Variants in MYZAP observed in about 807,000 individuals in gnomAD.
MYZAP encodes the protein GRINL1A complex locus upstream.
A neutral mutation model predicts 69.4 loss-of-function variants in MYZAP; 66 were observed. The ratio of observed to expected loss-of-function variants is 0.95; its 90% confidence interval spans 0.78 to 1.17. MYZAP has a LOEUF of 1.17. Ranked by LOEUF, MYZAP falls within the 50% of genes most tolerant of loss-of-function variation. MYZAP has a pLI of 0.00. For missense variants in MYZAP, 611 were observed against 556.2 expected (o/e 1.10, Z -0.99); for synonymous variants, 256 against 205.9 (o/e 1.24, Z -2.09).
Position 57,625,852 on chromosome 15 carries a change from C to T in MYZAP, c.485C>T (p.Ala162Val), listed in dbSNP as rs1222206873. 5 of 1,614,154 alleles carry T rather than the reference C, an allele frequency of 3.1e-6. No homozygotes were observed. The South Asian group carries it at 5.5e-5, about 18-fold the overall frequency. The change falls in exon 5 of 13, where the codon GCC (alanine) becomes GTC (valine). Residue 162 changes from alanine to valine, a missense_variant. Ala to Val is a moderately conservative substitution (Grantham distance 64). Transcript: ENST00000267853. The part of the protein sequence containing the change: ...TQSSALDRFN[A>V]MNSALASDSI... ...TCGTCTGCCCTGGATCGTTTTAATG[C>T]CATGAACTCAGCCTTGGCATCAGAT...
At chr15:57,640,609 T>G (rs1255949047) in intron 10 of MYZAP, among the ~76,000 whole-genome samples, 1 of 152,234 alleles carries the variant, frequency 6.6e-6, no homozygotes, top group African/African-American at 2.4e-5. Context: ...ATATATCTAT[T>G]TTATTAATCT....
At chr15:57,631,637 T>G (rs2036513425) in intron 6 of MYZAP, among the ~76,000 whole-genome samples, 1 of 152,110 alleles carries the variant, frequency 6.6e-6, no homozygotes, top group Non-Finnish European at 1.5e-5. Context: ...GACTTTCCAC[T>G]TTGGAACTTC....
chr15:57,638,296 T>G (rs1442721321), intron 9 of MYZAP, among the ~76,000 whole-genome samples: 1 of 152,102 alleles, frequency 6.6e-6, no homozygotes, highest in Non-Finnish European at 1.5e-5. Context: ...GAAAACAAGG[T>G]TGAGATGATT....
intron 1 of MYZAP, among the ~76,000 whole-genome samples, chr15:57,593,214 A>ACACACACACACACACACCC (rs1172761785): frequency 3.5e-5 from 5 of 141,346 alleles, no homozygotes; most frequent in African/African-American, 1.4e-4. Flanking sequence ...ACACACACAC[A>ACACACACACACACACACCC]CCCCAGAATC....
At chr15:57,650,112 T>C (rs2037653374) in intron 10 of MYZAP, among the ~76,000 whole-genome samples, 1 of 152,218 alleles carries the variant, frequency 6.6e-6, no homozygotes, top group Admixed American at 6.5e-5. Flanking sequence ...ACTCCTTTTA[T>C]TTTTGGCTCA....
chr15:57,646,912 T>C (rs946118257), intron 10 of MYZAP: 133 of 985,332 alleles, frequency 1.3e-4, no homozygotes, highest in Non-Finnish European at 1.6e-4. Flanking sequence ...TTTATTTTTA[T>C]AGAGGTCTTT....
In MYZAP at chr15:57,592,100, C is replaced by A; in HGVS notation, c.66C>A (p.Pro22=). 1 of 1,367,056 alleles carries A rather than the reference C, an allele frequency of 7.3e-7. No individual in the cohort carries two copies. The highest frequency in any genetic ancestry group is 9.4e-7 in the Non-Finnish European group (1 of 1,064,992). The allele number at this position is 1,367,056 out of a possible 1,614,324, so 84.7% of individuals were successfully genotyped here. A position where few individuals can be genotyped will look rare whatever the true frequency, so the allele number is the denominator to read the frequency against. Residue 22 remains proline (P), a synonymous_variant, in exon 1 of 13, where the codon CCC becomes CCA. Transcript: ENST00000267853. ...GCGCCGCCAGGACGCCCGGGGCGCCCAGCAGGAGGGTGAGTAGCGGGGGCG... is the reference window on the plus strand; with the variant it reads ...GCGCCGCCAGGACGCCCGGGGCGCCAAGCAGGAGGGTGAGTAGCGGGGGCG... ...SGGAARTPGA[P]SRRANVCRLR...
intron 11 of MYZAP, among the ~76,000 whole-genome samples, chr15:57,662,818 G>A (rs371963839): frequency 2.6e-5 from 4 of 152,304 alleles, no homozygotes; most frequent in East Asian, 3.9e-4. Flanking sequence ...AGTGGGTGGT[G>A]AGCTGAGCCT....
intron 11 of MYZAP, among the ~76,000 whole-genome samples, chr15:57,672,688 G>T (rs1334628424): frequency 1.3e-5 from 2 of 152,128 alleles, no homozygotes; most frequent in Non-Finnish European, 2.9e-5. Context: ...TTCTTGTAGT[G>T]GCATACATAG....
chr15:57,637,662 A>G (rs1595895525), intron 8 of MYZAP, 33 bp from the exon 9 acceptor site: 1 of 1,604,114 alleles, frequency 6.2e-7, no homozygotes, highest in Admixed American at 1.7e-5. Context: ...CTTGGGATCC[A>G]TTGATTAAAA....
chr15:57,603,019 T>A (rs937971815), intron 1 of MYZAP, among the ~76,000 whole-genome samples: 68 of 152,156 alleles, frequency 4.5e-4, no homozygotes, highest in African/African-American at 1.6e-3. Context: ...TCACACAAAT[T>A]GTAGCTTCTC....
intron 10 of MYZAP, among the ~76,000 whole-genome samples, chr15:57,656,923 T>C (rs2038038691): frequency 6.6e-6 from 1 of 152,208 alleles, no homozygotes; most frequent in South Asian, 2.1e-4. Flanking sequence ...ATCCTACTCC[T>C]GTCCAGCTCC....
At chr15:57,675,848 T>A (rs777362019) in intron 12 of MYZAP, among the ~76,000 whole-genome samples, 1 of 152,212 alleles carries the variant, frequency 6.6e-6, no homozygotes, top group Non-Finnish European at 1.5e-5. Context: ...AAGATGCTAA[T>A]GACATGTGAC....
At chr15:57,666,852 A>C (rs1186765461) in intron 11 of MYZAP, among the ~76,000 whole-genome samples, 1 of 152,216 alleles carries the variant, frequency 6.6e-6, no homozygotes, top group Non-Finnish European at 1.5e-5. Flanking sequence ...TCCTGATAAC[A>C]AAAATATGCC....
intron 12 of MYZAP, among the ~76,000 whole-genome samples, chr15:57,677,364 C>G (rs2039194097): frequency 6.6e-6 from 1 of 152,174 alleles, no homozygotes; most frequent in African/African-American, 2.4e-5. Flanking sequence ...AGTTAATCCC[C>G]ATGTTTTATG....
chr15:57,668,836 G>T (rs147069783), intron 11 of MYZAP, among the ~76,000 whole-genome samples: 1,711 of 150,094 alleles, frequency 0.011, 21 homozygotes, highest in African/African-American at 0.028. Context: ...CCCATCCTGT[G>T]ACTTACTTTT....
Position 57,613,554 on chromosome 15 carries a change from A to G in MYZAP, c.163-4479A>G, listed in dbSNP as rs570713024. Among the ~76,000 whole-genome samples, 3 of 152,050 alleles carry G rather than the reference A, an allele frequency of 2.0e-5. No individual in the cohort carries two copies. In the South Asian group the frequency reaches 6.2e-4, roughly 32 times the overall value. ...TCAAGCTAATTTTTGCATTTTTTGCAGAGATGGATTTTTACCATGTTGCCC... is the reference window on the plus strand; with the variant it reads ...TCAAGCTAATTTTTGCATTTTTTGCGGAGATGGATTTTTACCATGTTGCCC... On this transcript the variant is annotated intron_variant, in intron 2 of 12. Coordinates refer to ENST00000267853, the MANE Select transcript of MYZAP (RefSeq NM_001018100.5).
In MYZAP at chr15:57,661,534, G is replaced by A; in HGVS notation, c.1203+1G>A. 4.4e-6 allele frequency: 7 copies of A among 1,607,404 alleles called. No homozygotes were observed. The highest frequency in any genetic ancestry group is 1.1e-5 in the South Asian group (1 of 89,416). On this transcript the variant is annotated splice_donor_variant, in intron 11 of 12. Coordinates refer to ENST00000267853, the MANE Select transcript of MYZAP (RefSeq NM_001018100.5). LOFTEE classifies it high-confidence loss of function. ...AAAGATATCTTTCTTAGAAGGAGAG[G>A]TAAGGATCTCTGTTTCTTTAAGTTG... is the stretch of plus-strand genomic sequence containing the variant.
At chr15:57,606,821 C>T (rs1240268175) in intron 2 of MYZAP, among the ~76,000 whole-genome samples, 1 of 152,102 alleles carries the variant, frequency 6.6e-6, no homozygotes, top group Non-Finnish European at 1.5e-5. Flanking sequence ...TGTTAATTTT[C>T]TTGTGATGAT....
Sources: allele counts gnomAD v4.1 joint callset (sites outside exome capture counted in the v4.1 genomes callset), GRCh38; gene constraint gnomAD v4.1.1; transcripts MANE v1.5; gene names NCBI Gene and HGNC (gene_info 2026-07-23, HGNC 2026-07-21).